RORA: variants seen among roughly 807,000 people sequenced by gnomAD.
RORA encodes nuclear receptor ROR-alpha.
RORA carries 7 observed loss-of-function variants against 69.5 expected under a neutral mutation model. That is an observed-to-expected ratio of 0.10 (90% CI 0.06 to 0.19). RORA has a LOEUF of 0.19. Ranked by LOEUF, RORA falls within the 10% of genes least tolerant of loss-of-function variation. The probability of loss-of-function intolerance (pLI) is 1.00; values close to 1 mark genes in which losing one functional copy is unlikely to be tolerated. For missense variants in RORA, 457 were observed against 663.0 expected (o/e 0.69, Z 3.41); for synonymous variants, 261 against 240.8 (o/e 1.08, Z -0.78).
chr15:60,590,813 TC>T (rs1190163894), intron 2 of RORA, among the ~76,000 whole-genome samples: 51 of 152,196 alleles, frequency 3.4e-4, no homozygotes, highest in African/African-American at 1.2e-3. Context: ...AGGTTTCCTC[TC>T]TTTTACTTAT....
chr15:60,828,074 C>A (rs2072990010), intron 1 of RORA, among the ~76,000 whole-genome samples: 1 of 152,164 alleles, frequency 6.6e-6, no homozygotes, highest in Admixed American at 6.5e-5. Flanking sequence ...GAAGAACAGG[C>A]AATGCCAGGA....
rs183603860 is a variant in RORA, at chr15:60,684,037, C to G, written c.167-5351G>C. Among the ~76,000 whole-genome samples the G allele has an allele frequency of 8.6e-4, 131 of 152,188 alleles. 2 individuals carry two copies. Among genetic ancestry groups the G allele is most frequent in the African/African-American group, 3.0e-3 (125 of 41,514 alleles). On this transcript the variant is annotated intron_variant, in intron 1 of 10. Coordinates refer to ENST00000335670, the MANE Select transcript of RORA (RefSeq NM_134261.3). ...ACCAGTTAACTTTCTTGACTGACTT[C>G]TAATTGTCTCTTGGTTTTTAGGAAA...
At chr15:61,171,885 C>T (rs776059536) in intron 1 of RORA, among the ~76,000 whole-genome samples, 45 of 152,148 alleles carry the variant, frequency 3.0e-4, no homozygotes, top group South Asian at 4.1e-4. Flanking sequence ...TTTGGGACAC[C>T]GATCCTCAAC....
At chr15:60,662,490 T>G (rs1056155765) in intron 2 of RORA, among the ~76,000 whole-genome samples, 1 of 152,312 alleles carries the variant, frequency 6.6e-6, no homozygotes, top group Middle Eastern at 3.4e-3. Context: ...GTTGGAAATG[T>G]ATTATTCATT....
intron 1 of RORA, among the ~76,000 whole-genome samples, chr15:61,062,097 A>G (rs1239189603): frequency 6.6e-6 from 1 of 152,148 alleles, no homozygotes; most frequent in Admixed American, 6.5e-5. Context: ...GAAATACTAT[A>G]GGTAAAGACA....
intron 3 of RORA, among the ~76,000 whole-genome samples, chr15:60,519,115 A>T (rs1051666017): frequency 1.3e-5 from 2 of 152,180 alleles, no homozygotes; most frequent in Non-Finnish European, 2.9e-5. Flanking sequence ...AGAAAACAGT[A>T]TCTAAAAGGT....
chr15:61,103,309 C>G (rs1044017175), intron 1 of RORA, among the ~76,000 whole-genome samples: 1 of 152,172 alleles, frequency 6.6e-6, no homozygotes, highest in African/African-American at 2.4e-5. Context: ...GCATGGGTAA[C>G]CAGTCCCCAG....
At chr15:60,731,770 A>T (rs2071433364) in intron 1 of RORA, among the ~76,000 whole-genome samples, 1 of 152,200 alleles carries the variant, frequency 6.6e-6, no homozygotes, top group South Asian at 2.1e-4. Context: ...CCCAAAATGA[A>T]ATACAGTTTG....
chr15:60,901,968 C>T (rs943757716), intron 1 of RORA, among the ~76,000 whole-genome samples: 7 of 152,198 alleles, frequency 4.6e-5, no homozygotes, highest in Non-Finnish European at 1.0e-4. Context: ...CCTGGCACCC[C>T]TTTGAGGCCA....
At chr15:61,019,609 G>C (rs558873819) in intron 1 of RORA, among the ~76,000 whole-genome samples, 24 of 152,180 alleles carry the variant, frequency 1.6e-4, no homozygotes, top group Non-Finnish European at 2.1e-4. Flanking sequence ...GTTAGTGAAG[G>C]GGGGGAAACC....
At chr15:61,039,329 A>G (rs1452832765) in intron 1 of RORA, among the ~76,000 whole-genome samples, 2 of 152,154 alleles carry the variant, frequency 1.3e-5, no homozygotes, top group African/African-American at 4.8e-5. Flanking sequence ...AATGTTAGAA[A>G]TGTTGGCATT....
intron 1 of RORA, among the ~76,000 whole-genome samples, chr15:60,988,247 G>A (rs1028126898): frequency 6.6e-6 from 1 of 152,160 alleles, no homozygotes; most frequent in Non-Finnish European, 1.5e-5. Context: ...GACACTGGGG[G>A]CAAGTGACAG....
At chr15:60,858,692 TAC>T (rs3053884) in intron 1 of RORA, among the ~76,000 whole-genome samples, 10,437 of 142,828 alleles carry the variant, frequency 0.073, 820 homozygotes, top group African/African-American at 0.2. Flanking sequence ...AGAAAGAAAA[TAC>T]ACACACACAC....
At chr15:60,677,558 A>G (rs1245277312) in intron 2 of RORA, among the ~76,000 whole-genome samples, 3 of 150,090 alleles carry the variant, frequency 2.0e-5, no homozygotes, top group African/African-American at 4.9e-5. Flanking sequence ...TTCTCATCCA[A>G]TTTGACGTTT....
chr15:60,841,584 G>C (rs2073199125), intron 1 of RORA, among the ~76,000 whole-genome samples: 1 of 152,216 alleles, frequency 6.6e-6, no homozygotes, highest in Non-Finnish European at 1.5e-5. Flanking sequence ...TATTGAGAAA[G>C]ACCTGGTTTT....
In RORA at chr15:60,492,115, G is replaced by C. The variant is rs2065051858; in HGVS notation, c.*5340C>G. The stretch of plus-strand genomic sequence containing the variant: ...TATTCTTTATTATCAAAAACAACAT[G>C]GTAAAGGTATCCTTTTCATCTTACA... On this transcript the variant is annotated 3_prime_UTR_variant, in exon 11 of 11. Transcript: ENST00000335670. The C allele has an allele frequency of 6.6e-6, 1 of 152,034 alleles. No individual in the cohort carries two copies. The highest frequency in any genetic ancestry group is 2.1e-4 in the South Asian group (1 of 4,828). The allele number at this position is 152,034 out of a possible 1,614,324, so 9.4% of individuals were successfully genotyped here.
chr15:60,774,397 A>G (rs1418446694), intron 1 of RORA, among the ~76,000 whole-genome samples: 1 of 152,222 alleles, frequency 6.6e-6, no homozygotes, highest in Non-Finnish European at 1.5e-5. Context: ...CTGAGAGGCC[A>G]TCAACAGAGA....
chr15:60,766,279 C>T (rs759792700), intron 1 of RORA, among the ~76,000 whole-genome samples: 1 of 152,104 alleles, frequency 6.6e-6, no homozygotes, highest in Admixed American at 6.6e-5. Context: ...AAAAGGCATC[C>T]TGGCTTTGTA....
At chr15:61,199,930 G>A (rs762660401) in intron 1 of RORA, among the ~76,000 whole-genome samples, 1 of 152,160 alleles carries the variant, frequency 6.6e-6, no homozygotes, top group Non-Finnish European at 1.5e-5. Context: ...AAGGGTGGAG[G>A]GTGAGAAAGG....
Sources: gnomAD v4.1 joint callset for allele counts (sites outside exome capture counted in the v4.1 genomes callset) on GRCh38, gnomAD v4.1.1 for gene constraint, MANE v1.5 for transcripts, NCBI Gene and HGNC (gene_info 2026-07-23, HGNC 2026-07-21) for gene names.